XRRA1: variants seen among roughly 807,000 people sequenced by gnomAD.
XRRA1 encodes X-ray radiation resistance associated 1.
XRRA1 carries 69 observed loss-of-function variants against 80.2 expected under a neutral mutation model. The observed-to-expected ratio is 0.86, with a 90% CI of 0.71 to 1.05. XRRA1 has a LOEUF of 1.05. Ranked by LOEUF, XRRA1 falls within the 50% of genes least tolerant of loss-of-function variation. The pLI, the probability that XRRA1 is intolerant of heterozygous loss-of-function variation, is 0.00. For synonymous variants in XRRA1, 348 were observed against 389.9 expected, an observed-to-expected ratio of 0.89 and a Z score of 1.27; for missense variants, 967 against 976.4, an observed-to-expected ratio of 0.99 and a Z score of 0.13.
chr11:74,942,539 G>C lies in XRRA1; in HGVS notation c.-4-1657C>G, dbSNP rs1351391876. Among the ~76,000 whole-genome samples, 3 of 152,210 alleles carry C rather than the reference G, an allele frequency of 2.0e-5. No individual in the cohort carries two copies. The East Asian group carries it at 5.8e-4, about 29-fold the overall frequency. On this transcript the variant is annotated intron_variant, in intron 2 of 18. Coordinates refer to ENST00000684022, the MANE Select transcript of XRRA1 (RefSeq NM_001378157.1). ...GTAGGGGGACATGTGCTCTCTCTCAGAGTTGTGCAAATGCAGTGTTAGCAC... is the reference window on the plus strand; with the variant it reads ...GTAGGGGGACATGTGCTCTCTCTCACAGTTGTGCAAATGCAGTGTTAGCAC...
chr11:74,879,977 CAT>C (rs1345346411), intron 10 of XRRA1, among the ~76,000 whole-genome samples: 1 of 152,026 alleles, frequency 6.6e-6, no homozygotes, highest in African/African-American at 2.4e-5. Flanking sequence ...ATGCTGGCCT[CAT>C]AAAATGAGTT....
At chr11:74,914,436 TG>T (rs1180055468) in intron 8 of XRRA1, among the ~76,000 whole-genome samples, 1 of 152,224 alleles carries the variant, frequency 6.6e-6, no homozygotes, top group African/African-American at 2.4e-5. Context: ...GCTCTTCCAT[TG>T]GGCATATGAC....
At chr11:74,883,915 C>G (rs55757045) in intron 10 of XRRA1, among the ~76,000 whole-genome samples, 3,182 of 152,228 alleles carry the variant, frequency 0.021, 106 homozygotes, top group African/African-American at 0.073. Flanking sequence ...TATTTTTTTC[C>G]AGCCAGGCAC....
chr11:74,845,169 G>A lies in XRRA1; in HGVS notation c.1831C>T (p.Arg611Trp), dbSNP rs376788499. 44 of 1,613,960 alleles carry A rather than the reference G, an allele frequency of 2.7e-5. No individual in the cohort carries two copies. The highest frequency in any genetic ancestry group is 1.6e-4 in the Middle Eastern group (1 of 6,082). Residue 611 changes from arginine (R) to tryptophan (W), a missense_variant, in exon 16 of 19, where the codon CGG (arginine) becomes TGG (tryptophan). Transcript: ENST00000684022. ...PTAPREVKGT[R>W]RKLPTAFLPS... ...AGGAAGGCAGTTGGGAGTTTCCTCC[G>A]AGTCCCTTTCACCTCTCTGGGTGCC...
At position 74,842,458 on chromosome 11, in the gene XRRA1, G is replaced by C. The variant is rs895480441; in HGVS notation, c.*742C>G. ...GTCTTGTCTCTGGTGAACAATCTCA[G>C]ACAAAAACATGGGTTAAGCTTAGGC... On this transcript the variant is annotated 3_prime_UTR_variant, in exon 19 of 19. Transcript: ENST00000684022. 4 of 152,244 alleles carry C rather than the reference G, an allele frequency of 2.6e-5. No homozygotes were observed. Among genetic ancestry groups the C allele is most frequent in the Admixed American group, 2.0e-4 (3 of 15,284 alleles). 9.4% of individuals were successfully genotyped at this position (152,244 alleles called of 1,614,324 possible). A position where few individuals can be genotyped will look rare whatever the true frequency, so the allele number is the denominator to read the frequency against.
intron 8 of XRRA1, chr11:74,919,887 T>A: frequency 2.5e-6 from 1 of 395,042 alleles, no homozygotes; most frequent in Admixed American, 3.2e-5. Context: ...ATTCACCAAA[T>A]AAGCTCTGTA....
rs1241546278 is a variant in XRRA1 at position 74,878,908 on chromosome 11, G to A, written c.1004-15887C>T. On this transcript the variant is annotated intron_variant, in intron 10 of 18. Transcript: ENST00000684022. Reference sequence around the variant, plus strand: ...GAAGTCAGGTAGTGTGATGCCTCCAGCTTTGTTCTTTTGGCTTAGGATTGA... The same window carrying A: ...GAAGTCAGGTAGTGTGATGCCTCCAACTTTGTTCTTTTGGCTTAGGATTGA... Among the ~76,000 whole-genome samples, 29 of 151,948 alleles carry A rather than the reference G, an allele frequency of 1.9e-4. No individual in the cohort carries two copies. The South Asian group carries it at 4.4e-3, about 23-fold the overall frequency.
chr11:74,940,914 G>C lies in XRRA1; in HGVS notation c.-4-32C>G, dbSNP rs1358250838. 7.1e-6 allele frequency: 11 copies of C among 1,554,056 alleles called. 1 individual carries two copies. Among genetic ancestry groups the C allele is most frequent in the Middle Eastern group, 1.8e-4 (1 of 5,492 alleles). The stretch of plus-strand genomic sequence containing the variant: ...GCCAGGCAAGGAAAGCAAGGAAGCA[G>C]AAGAGTGAAAAGGCACAGCAGAGCA... On this transcript the variant is annotated intron_variant, in intron 2 of 18. Coordinates refer to ENST00000684022, the MANE Select transcript of XRRA1 (RefSeq NM_001378157.1).
chr11:74,873,054 C>T (rs1422214718), intron 10 of XRRA1, among the ~76,000 whole-genome samples: 1 of 152,158 alleles, frequency 6.6e-6, no homozygotes, highest in South Asian at 2.1e-4. Flanking sequence ...AGCCCCAAGA[C>T]AAACTCTTTG....
intron 11 of XRRA1, among the ~76,000 whole-genome samples, chr11:74,862,460 T>G (rs547794761): frequency 1.3e-5 from 2 of 152,302 alleles, no homozygotes; most frequent in South Asian, 2.1e-4. Flanking sequence ...AAATCAATAT[T>G]TGGTTTACAT....
chr11:74,845,138 C>T lies in XRRA1; in HGVS notation c.1862G>A (p.Ser621Asn). Reference protein sequence around the residue: ...RRKLPTAFLPSKYHGYEELLT... With the variant: ...RRKLPTAFLPNKYHGYEELLT... ...CAGTTCTTCATAGCCGTGGTACTTG[C>T]TGGGAAGGAAGGCAGTTGGGAGTTT... Residue 621 changes from serine to asparagine, a missense_variant, in exon 16 of 19, where the codon AGC becomes AAC. Transcript: ENST00000684022. 6.2e-7 allele frequency: 1 copy of T among 1,614,038 alleles called. No individual in the cohort carries two copies. Among genetic ancestry groups the T allele is most frequent in the East Asian group, 2.2e-5 (1 of 44,878 alleles).
intron 14 of XRRA1, among the ~76,000 whole-genome samples, chr11:74,849,169 C>CT (rs368411898): frequency 2.6e-5 from 4 of 152,274 alleles, no homozygotes; most frequent in African/African-American, 9.6e-5. Context: ...TGTTTTCACT[C>CT]TTTGTCAGAG....
At chr11:74,922,319 A>G (rs35644238) in intron 7 of XRRA1, among the ~76,000 whole-genome samples, 24 of 151,962 alleles carry the variant, frequency 1.6e-4, no homozygotes, top group Non-Finnish European at 3.1e-4. Flanking sequence ...AATAACCCCA[A>G]ATTGTCACCC....
chr11:74,846,669 A>T (rs2135399167), intron 15 of XRRA1, among the ~76,000 whole-genome samples: 2 of 152,352 alleles, frequency 1.3e-5, no homozygotes, highest in Non-Finnish European at 2.9e-5. Flanking sequence ...CCATATGATC[A>T]TCTCAGTAGA....
intron 10 of XRRA1, among the ~76,000 whole-genome samples, chr11:74,879,220 G>GT (rs1328225546): frequency 1.3e-5 from 2 of 150,390 alleles, no homozygotes; most frequent in Admixed American, 1.3e-4. Flanking sequence ...TATTCTCTTT[G>GT]AAGCAATTGT....
intron 8 of XRRA1, among the ~76,000 whole-genome samples, chr11:74,908,537 TAG>T (rs1486900322): frequency 6.6e-6 from 1 of 152,206 alleles, no homozygotes; most frequent in African/African-American, 2.4e-5. Flanking sequence ...CAGGTGCATT[TAG>T]AGAGGGTATA....
intron 2 of XRRA1, among the ~76,000 whole-genome samples, chr11:74,942,612 G>T (rs1591652267): frequency 6.6e-6 from 1 of 152,176 alleles, no homozygotes; most frequent in East Asian, 1.9e-4. Context: ...TCACTACCAA[G>T]AATAAATTCT....
intron 10 of XRRA1, among the ~76,000 whole-genome samples, chr11:74,886,486 C>G (rs1395167810): frequency 6.6e-6 from 1 of 151,828 alleles, no homozygotes; most frequent in African/African-American, 2.4e-5. Context: ...AATAACATAC[C>G]TAGGAATACA....
intron 10 of XRRA1, among the ~76,000 whole-genome samples, chr11:74,884,037 A>C (rs1231788243): frequency 6.6e-6 from 1 of 152,154 alleles, no homozygotes; most frequent in Admixed American, 6.5e-5. Flanking sequence ...CATCTTTACT[A>C]AAAATACAAA....
Sources: allele counts gnomAD v4.1 joint callset (sites outside exome capture counted in the v4.1 genomes callset), GRCh38; gene constraint gnomAD v4.1.1; transcripts MANE v1.5; gene names NCBI Gene and HGNC (gene_info 2026-07-23, HGNC 2026-07-21).